SLAMF8: variants seen among roughly 807,000 people sequenced by gnomAD.
SLAMF8 encodes B lymphocyte activator macrophage expressed.
A neutral mutation model predicts 29.0 loss-of-function variants in SLAMF8; 23 were observed. That is an observed-to-expected ratio of 0.79 (90% CI 0.57 to 1.13). The LOEUF (loss-of-function observed/expected upper bound fraction) is 1.13. Among genes scored for constraint, SLAMF8 ranks in the 50% most tolerant of loss-of-function variants. SLAMF8 has a pLI of 0.00. For synonymous variants in SLAMF8, 139 were observed against 145.6 expected (o/e 0.96, Z 0.32); for missense variants, 381 against 353.1 (o/e 1.08, Z -0.63).
At chr1:159,830,217 C>T (rs762257221) in intron 2 of SLAMF8, 25 bp downstream of exon 2, 69 of 1,542,464 alleles carry the variant, frequency 4.5e-5, no homozygotes, top group Non-Finnish European at 5.9e-5. Flanking sequence ...CACTGGCTGC[C>T]TGGCCCTCTT....
intron 1 of SLAMF8, 23 bp from the exon 2 acceptor site, chr1:159,829,843 G>T: frequency 1.3e-6 from 2 of 1,577,136 alleles, no homozygotes; most frequent in Non-Finnish European, 1.7e-6. Flanking sequence ...CAGGCAGAGT[G>T]ACCAGGGGCT....
chr1:159,827,894 G>A (rs770609812), intron 1 of SLAMF8, among the ~76,000 whole-genome samples: 14 of 151,792 alleles, frequency 9.2e-5, no homozygotes, highest in Non-Finnish European at 1.8e-4. Flanking sequence ...GAATGCAATG[G>A]TGCATCTCAG....
At position 159,833,299 on chromosome 1, in the gene SLAMF8, G is replaced by A. The variant is rs1231387126; in HGVS notation, c.711G>A (p.Val237=). ...CCTCCTACAAAGATGTGCTGCTGGT[G>A]GTGGTGCCTGTCTCGCTGCTCCTGA... ...GKASYKDVLL[V]VVPVSLLLML... The change falls in exon 4 of 5, where the codon GTG becomes GTA. Residue 237 remains valine (V), a synonymous_variant. Transcript: ENST00000289707. The A allele has an allele frequency of 1.2e-6, 2 of 1,614,052 alleles. No individual in the cohort carries two copies. Among genetic ancestry groups the A allele is most frequent in the Non-Finnish European group, 1.7e-6 (2 of 1,180,032 alleles).
At position 159,830,090 on chromosome 1, in the gene SLAMF8, G is replaced by A. The variant is rs753166834; in HGVS notation, c.265G>A (p.Glu89Lys). ...RAQLHSNLSL[E>K]LGPLESGDSG... ...CCAGCTACACAGCAACCTCAGCCTG[G>A]AGCTCGGGCCGCTGGAGTCTGGAGA... The change falls in exon 2 of 5, where the codon GAG becomes AAG. Residue 89 changes from glutamate (E) to lysine (K), a missense_variant. Coordinates refer to ENST00000289707, the MANE Select transcript of SLAMF8 (RefSeq NM_020125.3). The A allele has an allele frequency of 2.5e-6, 4 of 1,614,238 alleles. No homozygotes were observed. In the Admixed American group the frequency reaches 6.7e-5, roughly 27 times the overall value.
intron 1 of SLAMF8, among the ~76,000 whole-genome samples, chr1:159,828,443 G>A (rs1663765170): frequency 6.6e-6 from 1 of 152,188 alleles, no homozygotes; most frequent in South Asian, 2.1e-4. Context: ...ATGGCCGACT[G>A]AGCAACCATC....
At chr1:159,833,611 G>A (rs1039722004) in intron 4 of SLAMF8, among the ~76,000 whole-genome samples, 3 of 152,116 alleles carry the variant, frequency 2.0e-5, no homozygotes, top group Admixed American at 6.5e-5. Context: ...TTTGTACATT[G>A]TATTCCCTCT....
intron 1 of SLAMF8, among the ~76,000 whole-genome samples, chr1:159,829,445 C>T (rs1647311114): frequency 6.6e-6 from 1 of 152,186 alleles, no homozygotes; most frequent in African/African-American, 2.4e-5. Flanking sequence ...ACTGTGCCCT[C>T]TGCCGGTGAC....
intron 1 of SLAMF8, among the ~76,000 whole-genome samples, 159 bp from the exon 2 acceptor site, chr1:159,829,707 A>G (rs899036052): frequency 1.3e-5 from 2 of 152,072 alleles, no homozygotes; most frequent in Admixed American, 6.5e-5. Context: ...GTTATCTTCC[A>G]TATGTTTTAT....
At chr1:159,833,236 C>A in intron 3 of SLAMF8, 26 bp from the exon 4 acceptor site, 2 of 1,614,160 alleles carry the variant, frequency 1.2e-6, no homozygotes, top group Non-Finnish European at 1.7e-6. Flanking sequence ...TCAAGTCCAC[C>A]TCTAACCCCA....
intron 1 of SLAMF8, among the ~76,000 whole-genome samples, chr1:159,827,199 A>G (rs1295504743): frequency 1.3e-5 from 2 of 152,348 alleles, no homozygotes; most frequent in East Asian, 1.9e-4. Flanking sequence ...GGCCCAGAGC[A>G]GTAAAAACGG....
At position 159,829,933 on chromosome 1, in the gene SLAMF8, G is replaced by A; in HGVS notation, c.108G>A (p.Val36=). 1.2e-6 allele frequency: 2 copies of A among 1,614,256 alleles called. No homozygotes were observed. Among genetic ancestry groups the A allele is most frequent in the Non-Finnish European group, 1.7e-6 (2 of 1,180,044 alleles). The change falls in exon 2 of 5, where the codon GTG becomes GTA. Residue 36 remains valine (V), a synonymous_variant. Coordinates refer to ENST00000289707, the MANE Select transcript of SLAMF8 (RefSeq NM_020125.3). ...AAGTCGGGGGCTCGGTGCTGCTGGT[G>A]GCAGCGCGTCCCCCTGGCTTCCAAG... ...LSKVGGSVLL[V]AARPPGFQVR...
In SLAMF8 at chr1:159,835,430, A is replaced by G; in HGVS notation, c.*170A>G. ...GCAGCCATCACACCACGAGGACAGG[A>G]AGCACCAGCACGTTTCACACCTCCC... is the stretch of plus-strand genomic sequence containing the variant. On this transcript the variant is annotated 3_prime_UTR_variant, in exon 5 of 5. Coordinates refer to ENST00000289707, the MANE Select transcript of SLAMF8 (RefSeq NM_020125.3). 7.2e-7 allele frequency: 1 copy of G among 1,396,220 alleles called. No homozygotes were observed. The highest frequency in any genetic ancestry group is 9.3e-7 in the Non-Finnish European group (1 of 1,077,024). The allele number at this position is 1,396,220 out of a possible 1,614,324, so 86.5% of individuals were successfully genotyped here.
intron 2 of SLAMF8, among the ~76,000 whole-genome samples, chr1:159,830,679 A>G (rs960409226): frequency 2.6e-5 from 4 of 152,172 alleles, no homozygotes; most frequent in African/African-American, 9.7e-5. Context: ...GTCTAAAGGA[A>G]AAAAAATGAT....
In SLAMF8 at chr1:159,832,894, T is replaced by C. The variant is rs755183467; in HGVS notation, c.386T>C (p.Val129Ala). 3.7e-6 allele frequency: 6 copies of C among 1,613,780 alleles called. No individual in the cohort carries two copies. Among genetic ancestry groups the C allele is most frequent in the African/African-American group, 2.7e-5 (2 of 74,912 alleles). ...LKVYDAVPRP[V>A]VQVFIAVERD... The stretch of plus-strand genomic sequence containing the variant: ...TTCCCAGATGCAGTGCCCAGGCCCG[T>C]GGTACAAGTGTTCATTGCTGTAGAA... Residue 129 changes from valine to alanine, a missense_variant, in exon 3 of 5, where the codon GTG becomes GCG. By Grantham distance (64) the Val-to-Ala change is moderately conservative. Transcript: ENST00000289707.
Position 159,830,171 on chromosome 1 carries a change from A to G in SLAMF8, c.346A>G (p.Thr116Ala). Residue 116 changes from threonine to alanine, a missense_variant, in exon 2 of 5, where the codon ACC (threonine) becomes GCC (alanine). Coordinates refer to ENST00000289707, the MANE Select transcript of SLAMF8 (RefSeq NM_020125.3). ...VDTRGQPWTQ[T>A]LQLKVYDAVP... ...CACAAGGGGCCAGCCCTGGACCCAG[A>G]CCCTCCAGCTCAAGGTGTACGGTGA... 6.2e-7 allele frequency: 1 copy of G among 1,607,104 alleles called. No homozygotes were observed. The highest frequency in any genetic ancestry group is 8.5e-7 in the Non-Finnish European group (1 of 1,175,288).
intron 2 of SLAMF8, among the ~76,000 whole-genome samples, chr1:159,832,616 C>A (rs1647565522): frequency 1.3e-5 from 2 of 152,226 alleles, no homozygotes; most frequent in South Asian, 2.1e-4. Context: ...GGGAAAACTG[C>A]AAATTAATTA....
chr1:159,830,284 T>C (rs1387002676), intron 2 of SLAMF8, 92 bp downstream of exon 2: 1 of 1,337,030 alleles, frequency 7.5e-7, no homozygotes, highest in African/African-American at 1.5e-5. Context: ...AGAGCTGGGT[T>C]CCAGAAAGCT....
intron 2 of SLAMF8, among the ~76,000 whole-genome samples, chr1:159,831,705 A>G (rs1647498918): frequency 6.6e-6 from 1 of 152,238 alleles, no homozygotes; most frequent in Non-Finnish European, 1.5e-5. Flanking sequence ...CCAAATACAT[A>G]GCGTGATTAG....
In SLAMF8 at chr1:159,833,327, CTGGT is replaced by C. The variant is rs756523725; in HGVS notation, c.741_744del (p.Val248LeufsTer172). 4 of 1,614,180 alleles carry C rather than the reference CTGGT, an allele frequency of 2.5e-6. No homozygotes were observed. The South Asian group carries it at 4.4e-5, about 18-fold the overall frequency. ...GGTGCCTGTCTCGCTGCTCCTGATG[CTGGT>C]TACTCTCTTCTCTGCCTGGCACTGG... On this transcript the variant is annotated frameshift_variant, in exon 4 of 5. Transcript: ENST00000289707. LOFTEE classifies it low-confidence loss of function (END_TRUNC).
Sources: gnomAD v4.1 joint callset for allele counts (sites outside exome capture counted in the v4.1 genomes callset) on GRCh38, gnomAD v4.1.1 for gene constraint, MANE v1.5 for transcripts, NCBI Gene and HGNC (gene_info 2026-07-23, HGNC 2026-07-21) for gene names.